RBFOX2: variants seen among roughly 807,000 people sequenced by gnomAD.
The protein encoded by RBFOX2 is RNA binding protein fox-1 homolog 2.
RBFOX2 carries 10 observed loss-of-function variants against 49.1 expected under a neutral mutation model. The ratio of observed to expected loss-of-function variants is 0.20; its 90% CI spans 0.13 to 0.35. The LOEUF (loss-of-function observed/expected upper bound fraction) is 0.35. Ranked by LOEUF, RBFOX2 falls within the 10% of genes least tolerant of loss-of-function variation. The pLI is 1.00. For missense variants in RBFOX2, 323 were observed against 486.9 expected, an observed-to-expected ratio of 0.66 and a Z score of 3.17; for synonymous variants, 183 against 187.4, an observed-to-expected ratio of 0.98 and a Z score of 0.19.
chr22:35,776,806 A>C (rs1383829318), intron 4 of RBFOX2, among the ~76,000 whole-genome samples: 1 of 152,186 alleles, frequency 6.6e-6, no homozygotes, highest in Non-Finnish European at 1.5e-5. Flanking sequence ...TGATGGTTTC[A>C]GTAGGATGTA....
At chr22:35,806,263 G>A (rs1950710781) in intron 2 of RBFOX2, among the ~76,000 whole-genome samples, 1 of 151,554 alleles carries the variant, frequency 6.6e-6, no homozygotes, top group East Asian at 1.9e-4. Flanking sequence ...TATCTTCTCA[G>A]TTTACTGTGA....
upstream of RBFOX2, among the ~76,000 whole-genome samples, chr22:35,965,780 C>T (rs188222488): frequency 1.3e-5 from 2 of 152,294 alleles, no homozygotes. Context: ...ACACTCACAT[C>T]CTACAAGCTC....
intron 9 of RBFOX2, chr22:35,750,403 T>C: frequency 6.4e-7 from 1 of 1,558,588 alleles, no homozygotes; most frequent in Non-Finnish European, 8.8e-7. Context: ...AAAAAGGACA[T>C]ATGTATTTAC....
intron 1 of RBFOX2, among the ~76,000 whole-genome samples, chr22:35,875,607 G>GGTGTGT (rs56137825): frequency 0.026 from 3,061 of 117,682 alleles, 71 homozygotes; most frequent in African/African-American, 0.035. Flanking sequence ...TGCTCACAAG[G>GGTGTGT]GTGTGTGTGT....
At chr22:35,891,200 C>A (rs562069954) in intron 1 of RBFOX2, among the ~76,000 whole-genome samples, 3 of 152,020 alleles carry the variant, frequency 2.0e-5, no homozygotes, top group African/African-American at 7.2e-5. Context: ...GTGGCGTGAT[C>A]TCGGCTCACT....
At chr22:35,888,393 C>T (rs981643000) in intron 1 of RBFOX2, among the ~76,000 whole-genome samples, 8 of 152,162 alleles carry the variant, frequency 5.3e-5, no homozygotes, top group Non-Finnish European at 1.0e-4. Context: ...ATCAAGGTTC[C>T]GTGTGCTTAC....
chr22:35,786,009 A>C (rs962931158), intron 2 of RBFOX2, among the ~76,000 whole-genome samples: 2 of 152,206 alleles, frequency 1.3e-5, no homozygotes, highest in African/African-American at 4.8e-5. Flanking sequence ...TCAAACTTTA[A>C]AACCACCAGA....
At chr22:35,899,357 G>C (rs2149437270) in intron 1 of RBFOX2, among the ~76,000 whole-genome samples, 1 of 152,046 alleles carries the variant, frequency 6.6e-6, no homozygotes, top group South Asian at 2.1e-4. Flanking sequence ...TGGAACCACA[G>C]GAAGGGCTTG....
intron 1 of RBFOX2, among the ~76,000 whole-genome samples, chr22:35,907,822 T>C (rs562279577): frequency 6.6e-5 from 10 of 152,234 alleles, no homozygotes; most frequent in African/African-American, 2.2e-4. Flanking sequence ...AATTTTTGTA[T>C]TTTTAGTGGA....
intron 1 of RBFOX2, among the ~76,000 whole-genome samples, chr22:36,027,410 C>T (rs191290652): frequency 6.6e-6 from 1 of 152,204 alleles, no homozygotes; most frequent in Non-Finnish European, 1.5e-5. Context: ...TTCTTCAAAA[C>T]TATGAAGTCA....
intron 4 of RBFOX2, among the ~76,000 whole-genome samples, chr22:35,769,137 C>T (rs1050343855): frequency 6.6e-6 from 1 of 152,064 alleles, no homozygotes; most frequent in African/African-American, 2.4e-5. Flanking sequence ...CTAAATTATT[C>T]ATTTATTGAT....
intron 4 of RBFOX2, among the ~76,000 whole-genome samples, chr22:35,769,624 T>A (rs1942087525): frequency 6.6e-6 from 1 of 152,148 alleles, no homozygotes; most frequent in African/African-American, 2.4e-5. Flanking sequence ...TGCCAATAAC[T>A]TCATTGTCCT....
chr22:35,950,516 T>G (rs931904460), intron 1 of RBFOX2, among the ~76,000 whole-genome samples: 1 of 152,214 alleles, frequency 6.6e-6, no homozygotes, highest in Non-Finnish European at 1.5e-5. Context: ...AACCTTTTCA[T>G]GTTGTCATAT....
chr22:36,016,605 A>T (rs1224495349), intron 1 of RBFOX2, among the ~76,000 whole-genome samples: 1 of 152,194 alleles, frequency 6.6e-6, no homozygotes, highest in South Asian at 2.1e-4. Context: ...CATGGGAAAA[A>T]TCCCACACAC....
rs531706755 is a variant in RBFOX2, at chr22:35,817,432, G to A, written c.28-7428C>T. 2.1e-3 allele frequency among the ~76,000 whole-genome samples: 315 copies of A among 152,002 alleles called. 3 individuals carry two copies. The highest frequency in any genetic ancestry group is 7.2e-3 in the African/African-American group (299 of 41,462). ...GCAGAGGTTGCAGTGAGCCAAGATCGCGCCACTGCACTCCAGCCTGGACAA... is the reference window on the plus strand; with the variant it reads ...GCAGAGGTTGCAGTGAGCCAAGATCACGCCACTGCACTCCAGCCTGGACAA... On this transcript the variant is annotated intron_variant, in intron 1 of 11. Transcript: ENST00000405409.
At chr22:35,792,326 AAAAAAAAAGAAAAGAAAAG>A (rs1353262530) in intron 2 of RBFOX2, among the ~76,000 whole-genome samples, 5 of 136,052 alleles carry the variant, frequency 3.7e-5, no homozygotes, top group Admixed American at 1.4e-4. Context: ...AAAAAAAAAA[AAAAAAAAAGAAAAGAAAAG>A]AAAAGAAAAG....
At chr22:35,960,961 TA>T (rs370831996) in intron 1 of RBFOX2, among the ~76,000 whole-genome samples, 85 of 145,138 alleles carry the variant, frequency 5.9e-4, no homozygotes, top group African/African-American at 6.3e-4. Context: ...TATATTTGTT[TA>T]AAAAAAAAAA....
At chr22:36,000,007 T>TTA (rs2058350431) in intron 1 of RBFOX2, 1 of 67,798 alleles carries the variant, frequency 1.5e-5, no homozygotes, top group Non-Finnish European at 4.0e-5. Flanking sequence ...ATATATATAT[T>TTA]TTTTTTTTTT....
At chr22:35,761,737 A>G (rs1938961952) in intron 6 of RBFOX2, among the ~76,000 whole-genome samples, 1 of 152,162 alleles carries the variant, frequency 6.6e-6, no homozygotes, top group South Asian at 2.1e-4. Flanking sequence ...AGGAGAAAAA[A>G]TAAATAGAAA....
Sources: allele counts gnomAD v4.1 joint callset (sites outside exome capture counted in the v4.1 genomes callset), GRCh38; gene constraint gnomAD v4.1.1; transcripts MANE v1.5; gene names NCBI Gene and HGNC (gene_info 2026-07-23, HGNC 2026-07-21).